Variants in HTR1F observed in about 807,000 individuals in gnomAD.
HTR1F encodes 5-hydroxytryptamine (serotonin) receptor 1F, G protein-coupled.
Under a neutral mutation model 24.0 loss-of-function variants are expected in HTR1F, and 17 were observed. The ratio of observed to expected loss-of-function variants is 0.71; its 90% CI spans 0.48 to 1.06. The LOEUF (loss-of-function observed/expected upper bound fraction) is 1.06. HTR1F is among the 50% of genes least tolerant of loss of function. The pLI is 0.00. For missense variants in HTR1F, 391 were observed against 427.8 expected (o/e 0.91, Z 0.76); for synonymous variants, 186 against 156.8 (o/e 1.19, Z -1.39).
At position 87,943,777 on chromosome 3, in the gene HTR1F, G is replaced by A. The variant is rs549054995; in HGVS notation, c.-42-46931G>A. 2.6e-5 allele frequency among the ~76,000 whole-genome samples: 4 copies of A among 152,328 alleles called. No individual in the cohort carries two copies. In the South Asian group the frequency reaches 6.2e-4, roughly 24 times the overall value. ...GTTATAATTTATACTTCCCTCAGGA[G>A]GCCGGGTTTCTCCCCCTTGAAGAGG... is the stretch of plus-strand genomic sequence containing the variant. On this transcript the variant is annotated intron_variant, in intron 2 of 2. Coordinates refer to ENST00000319595, the MANE Select transcript of HTR1F (RefSeq NM_001322209.2).
At chr3:87,834,527 T>A (rs925999699) in intron 2 of HTR1F, among the ~76,000 whole-genome samples, 8 of 152,108 alleles carry the variant, frequency 5.3e-5, no homozygotes, top group African/African-American at 1.9e-4. Flanking sequence ...GCTTAAGAAC[T>A]TCAAGGTCTA....
chr3:87,875,390 C>T (rs191770866), intron 2 of HTR1F, among the ~76,000 whole-genome samples: 2,135 of 151,406 alleles, frequency 0.014, 48 homozygotes, highest in Non-Finnish European at 0.016. Context: ...ATGGAGGTTG[C>T]AGTGAGCCGA....
intron 2 of HTR1F, among the ~76,000 whole-genome samples, chr3:87,976,560 C>T (rs1031298639): frequency 2.0e-5 from 3 of 152,100 alleles, no homozygotes; most frequent in Non-Finnish European, 2.9e-5. Flanking sequence ...TTTTGAACAT[C>T]ACAACAGCTT....
chr3:87,968,289 T>C (rs1381569274), intron 2 of HTR1F, among the ~76,000 whole-genome samples: 1 of 152,096 alleles, frequency 6.6e-6, no homozygotes, highest in Non-Finnish European at 1.5e-5. Flanking sequence ...CTTGGCTCAC[T>C]GCAACCTCCA....
intron 1 of HTR1F, among the ~76,000 whole-genome samples, chr3:87,816,905 C>G (rs1447020615): frequency 6.6e-6 from 1 of 151,946 alleles, no homozygotes; most frequent in Admixed American, 6.6e-5. Context: ...TGTTTACTTA[C>G]CTGAAAAATT....
chr3:87,924,359 T>G (rs1472413283), intron 2 of HTR1F, among the ~76,000 whole-genome samples: 1 of 152,156 alleles, frequency 6.6e-6, no homozygotes, highest in Admixed American at 6.6e-5. Context: ...ATTTTTAGTT[T>G]GTTTTGCATA....
intron 1 of HTR1F, among the ~76,000 whole-genome samples, chr3:87,815,230 G>C (rs1704228636): frequency 6.6e-6 from 1 of 152,078 alleles, no homozygotes; most frequent in Non-Finnish European, 1.5e-5. Flanking sequence ...ATTAAAAATA[G>C]TGTCTGCAGT....
At chr3:87,841,677 A>T (rs1315101582) in intron 2 of HTR1F, among the ~76,000 whole-genome samples, 2 of 151,762 alleles carry the variant, frequency 1.3e-5, no homozygotes. Flanking sequence ...AGGCAGGCAG[A>T]TCACCTGGGG....
chr3:87,977,380 A>C (rs1446175262), intron 2 of HTR1F, among the ~76,000 whole-genome samples: 1 of 149,234 alleles, frequency 6.7e-6, no homozygotes, highest in Non-Finnish European at 1.5e-5. Context: ...CTCTACAGAT[A>C]ATGAAGCTGA....
chr3:87,890,876 CT>C (rs1436400060), intron 2 of HTR1F, among the ~76,000 whole-genome samples: 8 of 146,222 alleles, frequency 5.5e-5, no homozygotes, highest in Admixed American at 4.8e-4. Flanking sequence ...GAGTCTTGCT[CT>C]GTTGCCCAGG....
intron 2 of HTR1F, among the ~76,000 whole-genome samples, chr3:87,975,563 G>A (rs1398841247): frequency 1.3e-5 from 2 of 151,978 alleles, no homozygotes; most frequent in Non-Finnish European, 1.5e-5. Flanking sequence ...ATAATTTACT[G>A]TCTAAAACAG....
In HTR1F at chr3:87,946,227, G is replaced by T. The variant is rs1305481312; in HGVS notation, c.-42-44481G>T. Among the ~76,000 whole-genome samples, 6 of 152,290 alleles carry T rather than the reference G, an allele frequency of 3.9e-5. No homozygotes were observed. In the South Asian group the frequency reaches 8.3e-4, roughly 21 times the overall value. ...TCCAGAGGGGTGGAAGTCAGCGGCG[G>T]TATGCGACGGCGGCAAACGGCAGTG... On this transcript the variant is annotated intron_variant, in intron 2 of 2. Coordinates refer to ENST00000319595, the MANE Select transcript of HTR1F (RefSeq NM_001322209.2).
At chr3:87,895,374 G>T (rs1181883521) in intron 2 of HTR1F, among the ~76,000 whole-genome samples, 1 of 151,780 alleles carries the variant, frequency 6.6e-6, no homozygotes, top group Non-Finnish European at 1.5e-5. Context: ...TGGCCAACAG[G>T]TATATGAAAA....
chr3:87,931,894 T>C (rs1170601211), intron 2 of HTR1F, among the ~76,000 whole-genome samples: 1 of 151,640 alleles, frequency 6.6e-6, no homozygotes, highest in African/African-American at 2.4e-5. Context: ...TTGATGGGGT[T>C]GTTTTTTTCT....
Position 87,991,715 on chromosome 3 carries a change from T to G in HTR1F, c.966T>G (p.Cys322Trp), listed in dbSNP as rs769190304. Residue 322 changes from cysteine to tryptophan, a missense_variant, in exon 3 of 3, where the codon TGT (cysteine) becomes TGG (tryptophan). Cys to Trp is a radical substitution (Grantham distance 215, BLOSUM62 -2). Coordinates refer to ENST00000319595, the MANE Select transcript of HTR1F (RefSeq NM_001322209.2). ...KELVVNVCDK[C>W]KISEEMSNFL... ...TAGTTGTTAATGTCTGTGACAAATG[T>G]AAAATTTCTGAAGAAATGTCCAATT... 1.9e-6 allele frequency: 3 copies of G among 1,613,942 alleles called. No individual in the cohort carries two copies. Among genetic ancestry groups the G allele is most frequent in the Non-Finnish European group, 2.5e-6 (3 of 1,179,892 alleles).
Position 87,903,155 on chromosome 3 carries a change from C to A in HTR1F, c.-43+81031C>A, listed in dbSNP as rs955629737. Among the ~76,000 whole-genome samples the A allele has an allele frequency of 5.9e-5, 9 of 152,038 alleles. No individual in the cohort carries two copies. The South Asian group carries it at 8.3e-4, about 14-fold the overall frequency. ...TGGATTCAAGACTTAAATGTTAGAC[C>A]TAAAACCATAAAAACCCTAGAAGAA... On this transcript the variant is annotated intron_variant, in intron 2 of 2. Transcript: ENST00000319595.
At chr3:87,806,120 A>G (rs1704069861) in intron 1 of HTR1F, among the ~76,000 whole-genome samples, 1 of 152,098 alleles carries the variant, frequency 6.6e-6, no homozygotes, top group South Asian at 2.1e-4. Context: ...ATAGTATTCC[A>G]TTGTGTATAA....
intron 2 of HTR1F, among the ~76,000 whole-genome samples, chr3:87,859,832 T>G (rs932217804): frequency 6.6e-6 from 1 of 152,220 alleles, no homozygotes; most frequent in African/African-American, 2.4e-5. Context: ...CCTTTCAGGT[T>G]GCAAGTCTAG....
chr3:87,911,052 C>T (rs561677235), intron 2 of HTR1F, among the ~76,000 whole-genome samples: 107 of 151,916 alleles, frequency 7.0e-4, no homozygotes, highest in Admixed American at 9.8e-4. Flanking sequence ...CCTAAGATCA[C>T]GACTAAAAGA....
Sources: gnomAD v4.1 joint callset for allele counts (sites outside exome capture counted in the v4.1 genomes callset) on GRCh38, gnomAD v4.1.1 for gene constraint, MANE v1.5 for transcripts, NCBI Gene and HGNC (gene_info 2026-07-23, HGNC 2026-07-21) for gene names.